Variants in APP observed in about 807,000 individuals in gnomAD.
APP encodes amyloid-beta precursor protein.
A neutral mutation model predicts 101.4 loss-of-function variants in APP; 31 were observed. The observed-to-expected ratio is 0.31, with a 90% confidence interval of 0.23 to 0.41. The LOEUF (loss-of-function observed/expected upper bound fraction) is 0.41. Ranked by LOEUF, APP falls within the 10% of genes least tolerant of loss-of-function variation. The pLI, the probability that APP is intolerant of heterozygous loss-of-function variation, is 1.00. For missense variants in APP, 839 were observed against 1,003.7 expected, an observed-to-expected ratio of 0.84 and a Z score of 2.22; for synonymous variants, 366 against 364.4, an observed-to-expected ratio of 1.00 and a Z score of -0.05.
At chr21:26,157,488 C>G (rs947960955) in intron 1 of APP, among the ~76,000 whole-genome samples, 1 of 152,206 alleles carries the variant, frequency 6.6e-6, no homozygotes, top group Admixed American at 6.5e-5. Flanking sequence ...TTCTTTCAGA[C>G]AGATTCTGTA....
chr21:26,033,785 A>G (rs949353981), intron 5 of APP, among the ~76,000 whole-genome samples: 20 of 152,288 alleles, frequency 1.3e-4, no homozygotes, highest in Admixed American at 3.9e-4. Flanking sequence ...GCCTACTGAG[A>G]ACTTGGATAA....
chr21:25,978,283 T>C (rs2042296605), intron 9 of APP, among the ~76,000 whole-genome samples: 1 of 152,232 alleles, frequency 6.6e-6, no homozygotes, highest in Non-Finnish European at 1.5e-5. Flanking sequence ...ATACACACTA[T>C]ATGTAGGCTG....
At chr21:26,048,366 A>G (rs2045699247) in intron 5 of APP, among the ~76,000 whole-genome samples, 1 of 152,082 alleles carries the variant, frequency 6.6e-6, no homozygotes, top group Non-Finnish European at 1.5e-5. Context: ...TTACATTTGT[A>G]TTAGACAGTT....
chr21:25,978,467 G>C (rs552159873), intron 9 of APP, among the ~76,000 whole-genome samples: 3 of 152,280 alleles, frequency 2.0e-5, no homozygotes, highest in South Asian at 4.1e-4. Flanking sequence ...GTACCAGCTC[G>C]AGGCTATGCA....
Position 25,891,806 on chromosome 21 carries a change from A to G in APP, c.2127T>C (p.Gly709=). 6.2e-7 allele frequency: 1 copy of G among 1,614,090 alleles called. No homozygotes were observed. Residue 709 remains glycine, a synonymous_variant, in exon 17 of 18, where the codon GGT becomes GGC. Coordinates refer to ENST00000346798, the MANE Select transcript of APP (RefSeq NM_000484.4). ...TGACGATCACTGTCGCTATGACAAC[A>G]CCGCCCACCATGAGTCCAATGATTG... is the stretch of plus-strand genomic sequence containing the variant. ...KGAIIGLMVG[G]VVIATVIVIT...
chr21:26,090,991 A>T (rs963109352), intron 2 of APP, among the ~76,000 whole-genome samples: 1 of 152,236 alleles, frequency 6.6e-6, no homozygotes, highest in Non-Finnish European at 1.5e-5. Context: ...GTGAAACTTG[A>T]TCAATTAAAT....
chr21:26,035,715 G>C (rs866103026), intron 5 of APP, among the ~76,000 whole-genome samples: 11 of 152,314 alleles, frequency 7.2e-5, no homozygotes, highest in Middle Eastern at 3.4e-3. Context: ...GCTGTACAGA[G>C]AATGGCTTGG....
intron 13 of APP, among the ~76,000 whole-genome samples, chr21:25,933,024 T>C (rs1304780273): frequency 6.6e-6 from 1 of 152,224 alleles, no homozygotes; most frequent in Non-Finnish European, 1.5e-5. Flanking sequence ...TCAGATTATA[T>C]GAGAAAACTT....
intron 3 of APP, among the ~76,000 whole-genome samples, chr21:26,073,118 T>C (rs895551248): frequency 6.6e-6 from 1 of 152,062 alleles, no homozygotes; most frequent in Non-Finnish European, 1.5e-5. Flanking sequence ...CCACTGCACT[T>C]ATGAGATCTC....
intron 13 of APP, among the ~76,000 whole-genome samples, chr21:25,936,527 G>C (rs1569078269): frequency 6.6e-6 from 1 of 152,196 alleles, no homozygotes; most frequent in Non-Finnish European, 1.5e-5. Flanking sequence ...TGGGCAACAA[G>C]AGCGAAACTC....
chr21:26,059,289 G>A (rs1481829837), intron 3 of APP, among the ~76,000 whole-genome samples: 1 of 152,144 alleles, frequency 6.6e-6, no homozygotes, highest in East Asian at 1.9e-4. Context: ...AGAATCATGG[G>A]AATGAAAGGC....
intron 1 of APP, among the ~76,000 whole-genome samples, chr21:26,141,032 T>G (rs986549040): frequency 6.6e-6 from 1 of 152,228 alleles, no homozygotes; most frequent in African/African-American, 2.4e-5. Context: ...TGTGGGGTCC[T>G]CATCTGTAAA....
Position 26,121,778 on chromosome 21 carries a change from T to C in APP, c.58-9632A>G, listed in dbSNP as rs547240181. On this transcript the variant is annotated intron_variant, in intron 1 of 17. Transcript: ENST00000346798. ...CTAGAGTTTAAGGCTTACGCTAATA[T>C]GCTTAATGCACAAGTAAGTGCAAAC... Among the ~76,000 whole-genome samples the C allele has an allele frequency of 5.3e-5, 8 of 152,362 alleles. No homozygotes were observed. In the South Asian group the frequency reaches 1.2e-3, roughly 24 times the overall value.
At chr21:25,882,946 C>A (rs1489088368) in intron 17 of APP, among the ~76,000 whole-genome samples, 1 of 152,144 alleles carries the variant, frequency 6.6e-6, no homozygotes, top group Non-Finnish European at 1.5e-5. Flanking sequence ...CCCCTACACA[C>A]CCCATCTGGC....
At chr21:26,102,649 G>C (rs111803383) in intron 2 of APP, among the ~76,000 whole-genome samples, 8,825 of 151,942 alleles carry the variant, frequency 0.058, 436 homozygotes, top group Admixed American at 0.13. Flanking sequence ...CCAGCACTTT[G>C]GGAGGCCAAG....
chr21:25,886,455 G>A (rs914853539), intron 17 of APP, among the ~76,000 whole-genome samples: 11 of 151,454 alleles, frequency 7.3e-5, no homozygotes, highest in African/African-American at 2.2e-4. Context: ...GTGCAGTGGC[G>A]TGATTTTGGC....
intron 6 of APP, among the ~76,000 whole-genome samples, chr21:26,001,013 ATTAT>A (rs2043271183): frequency 6.6e-6 from 1 of 152,066 alleles, no homozygotes; most frequent in African/African-American, 2.4e-5. Flanking sequence ...ATAACAATGT[ATTAT>A]TTAATTATGC....
chr21:25,986,640 C>T (rs1187243943), intron 8 of APP, among the ~76,000 whole-genome samples: 3 of 152,146 alleles, frequency 2.0e-5, no homozygotes, highest in Non-Finnish European at 1.5e-5. Flanking sequence ...GCGGAGGTTG[C>T]GGTGAGCCGA....
chr21:25,949,377 C>A (rs1569094921), intron 13 of APP, among the ~76,000 whole-genome samples: 1 of 152,142 alleles, frequency 6.6e-6, no homozygotes, highest in Admixed American at 6.5e-5. Context: ...CCTCAGAACC[C>A]TGATTTATGC....
Sources: allele counts gnomAD v4.1 joint callset (sites outside exome capture counted in the v4.1 genomes callset), GRCh38; gene constraint gnomAD v4.1.1; transcripts MANE v1.5; gene names NCBI Gene and HGNC (gene_info 2026-07-23, HGNC 2026-07-21).